The following SLCO2A1 variants were observed in gnomAD, a reference collection of about 807,000 sequenced individuals.
SLCO2A1 encodes the protein matrin F/G 1.
SLCO2A1 carries 60 observed loss-of-function variants against 71.7 expected under a neutral mutation model. The observed-to-expected ratio is 0.84, with a 90% CI of 0.68 to 1.04. The LOEUF (loss-of-function observed/expected upper bound fraction) is 1.04, where lower values mean the gene tolerates loss of function less well. SLCO2A1 is among the 50% of genes least tolerant of loss of function. The pLI is 0.00. For synonymous variants in SLCO2A1, 308 were observed against 326.7 expected, an observed-to-expected ratio of 0.94 and a Z score of 0.62; for missense variants, 745 against 813.4, an observed-to-expected ratio of 0.92 and a Z score of 1.02.
intron 11 of SLCO2A1, among the ~76,000 whole-genome samples, chr3:133,940,535 T>C (rs1933392704): frequency 6.6e-6 from 1 of 152,200 alleles, no homozygotes; most frequent in Non-Finnish European, 1.5e-5. Context: ...TTCTTCCTGC[T>C]GCATAGCGAC....
intron 3 of SLCO2A1, among the ~76,000 whole-genome samples, chr3:133,970,711 C>A (rs2048705988): frequency 6.6e-6 from 1 of 152,226 alleles, no homozygotes; most frequent in Admixed American, 6.5e-5. Flanking sequence ...GCATCTGCTT[C>A]TATCCCAGCC....
chr3:133,940,624 A>G (rs1559928401), intron 11 of SLCO2A1, among the ~76,000 whole-genome samples: 1 of 152,104 alleles, frequency 6.6e-6, no homozygotes, highest in Non-Finnish European at 1.5e-5. Flanking sequence ...TGGAGGGTCC[A>G]CTGTGGTCCA....
chr3:133,948,459 C>T lies in SLCO2A1; in HGVS notation c.1105+77G>A. 4.0e-6 allele frequency: 6 copies of T among 1,505,230 alleles called. No homozygotes were observed. The South Asian group carries it at 7.6e-5, about 19-fold the overall frequency. The allele number at this position is 1,505,230 out of a possible 1,614,324, so 93.2% of individuals were successfully genotyped here. On this transcript the variant is annotated intron_variant, in intron 8 of 13. Transcript: ENST00000310926. ...TATGTCCGGTCTGGCCTGCGCCCAT[C>T]CCTGGATGGGTGGCTGGAGTGCCTG...
intron 1 of SLCO2A1, among the ~76,000 whole-genome samples, chr3:133,987,245 AG>A (rs1262374848): frequency 2.7e-5 from 4 of 149,430 alleles, no homozygotes; most frequent in Non-Finnish European, 5.9e-5. Context: ...AGGTCTCGAC[AG>A]GAAGTGGGGG....
chr3:134,025,482 G>A (rs980569010), intron 1 of SLCO2A1, among the ~76,000 whole-genome samples: 6 of 152,034 alleles, frequency 3.9e-5, no homozygotes, highest in Admixed American at 1.3e-4. Flanking sequence ...GTGCCCAAAC[G>A]AGTCATCTTA....
intron 12 of SLCO2A1, among the ~76,000 whole-genome samples, chr3:133,936,256 G>A (rs1297294015): frequency 6.6e-6 from 1 of 152,136 alleles, no homozygotes; most frequent in Non-Finnish European, 1.5e-5. Flanking sequence ...CGACTTCTCA[G>A]GTCCTCACAC....
chr3:133,943,721 A>C (rs1436106938), intron 10 of SLCO2A1, among the ~76,000 whole-genome samples: 2 of 152,218 alleles, frequency 1.3e-5, no homozygotes, highest in Non-Finnish European at 2.9e-5. Flanking sequence ...TAAGTTAACA[A>C]AGATAAGAAA....
intron 11 of SLCO2A1, among the ~76,000 whole-genome samples, chr3:133,939,775 TG>T (rs1399288065): frequency 6.6e-6 from 1 of 152,132 alleles, no homozygotes; most frequent in Non-Finnish European, 1.5e-5. Flanking sequence ...CACCCCAATT[TG>T]GCTTTTGATT....
rs778301580 is a variant in SLCO2A1, at chr3:133,955,144, G to A, written c.447C>T (p.Asp149=). 1.2e-6 allele frequency: 2 copies of A among 1,614,098 alleles called. No homozygotes were observed. The highest frequency in any genetic ancestry group is 2.2e-5 in the South Asian group (2 of 91,064). The part of the protein sequence containing the change: ...QAELCQKHWQ[D]LPPSKCHSTT... Reference sequence around the variant, plus strand: ...TGCTGTGGCACTTACTGGGAGGCAGGTCCTGCCAATGCTTCTGGCAGAGCT... The same window carrying A: ...TGCTGTGGCACTTACTGGGAGGCAGATCCTGCCAATGCTTCTGGCAGAGCT... Residue 149 remains aspartate (D), a synonymous_variant, in exon 4 of 14, where the codon GAC becomes GAT. Coordinates refer to ENST00000310926, the MANE Select transcript of SLCO2A1 (RefSeq NM_005630.3).
At chr3:133,976,757 A>G (rs1184433905) in intron 2 of SLCO2A1, among the ~76,000 whole-genome samples, 1 of 152,006 alleles carries the variant, frequency 6.6e-6, no homozygotes, top group Admixed American at 6.5e-5. Context: ...CAACATCTCA[A>G]ACCAAAGGGC....
At chr3:133,971,639 G>GA (rs1934329480) in intron 3 of SLCO2A1, among the ~76,000 whole-genome samples, 2 of 152,164 alleles carry the variant, frequency 1.3e-5, no homozygotes, top group South Asian at 4.2e-4. Flanking sequence ...ATATCTGATT[G>GA]AAAAAATAGC....
rs1332168939 is a variant in SLCO2A1, at chr3:133,959,346, A to G, written c.398-4153T>C. ...AAGCAACCGTAATATTGCTTTATCA[A>G]ATCAAAACTACAATGAGATATCACT... On this transcript the variant is annotated intron_variant, in intron 3 of 13. Transcript: ENST00000310926. Among the ~76,000 whole-genome samples the G allele has an allele frequency of 4.6e-5, 7 of 151,872 alleles. No individual in the cohort carries two copies. In the East Asian group the frequency reaches 5.8e-4, roughly 13 times the overall value.
chr3:133,956,053 A>G (rs1933891345), intron 3 of SLCO2A1, among the ~76,000 whole-genome samples: 1 of 152,120 alleles, frequency 6.6e-6, no homozygotes, highest in African/African-American at 2.4e-5. Flanking sequence ...CAGCATTGGC[A>G]GCTCTCCAAG....
At chr3:133,994,894 G>C (rs906263167) in intron 1 of SLCO2A1, among the ~76,000 whole-genome samples, 1 of 152,126 alleles carries the variant, frequency 6.6e-6, no homozygotes, top group Non-Finnish European at 1.5e-5. Flanking sequence ...CCAGGTCCCA[G>C]TCAGCTCTCA....
chr3:133,976,900 T>C (rs1329124995), intron 2 of SLCO2A1, among the ~76,000 whole-genome samples: 1 of 152,192 alleles, frequency 6.6e-6, no homozygotes, highest in Admixed American at 6.5e-5. Context: ...ACTAAGTTCC[T>C]CCTGCTGGTG....
intron 1 of SLCO2A1, among the ~76,000 whole-genome samples, chr3:134,018,443 A>C (rs1451257119): frequency 2.0e-5 from 3 of 152,204 alleles, no homozygotes; most frequent in Admixed American, 6.5e-5. Flanking sequence ...GCCAAGACAA[A>C]GTAATTCTCC....
At chr3:133,960,121 AAAATAAATAAAT>A (rs59630146) in intron 3 of SLCO2A1, among the ~76,000 whole-genome samples, 16,958 of 149,136 alleles carry the variant, frequency 0.11, 1,312 homozygotes, top group Non-Finnish European at 0.17. Flanking sequence ...CTCCGTCTCA[AAAATAAATAAAT>A]AAATAAATAA....
chr3:134,029,718 C>T lies in SLCO2A1; in HGVS notation c.85G>A (p.Gly29Ser). The T allele has an allele frequency of 1.3e-6, 2 of 1,589,030 alleles. No individual in the cohort carries two copies. Among genetic ancestry groups the T allele is most frequent in the East Asian group, 2.3e-5 (1 of 42,820 alleles). ...CGGACTCCGCTCACCTTAATGTTGCCGAAGACCGAGCGGGCACAGCGGCCG... is the reference window on the plus strand; with the variant it reads ...CGGACTCCGCTCACCTTAATGTTGCTGAAGACCGAGCGGGCACAGCGGCCG... ...RAGRCARSVF[G>S]NIKVFVLCQG... The change falls in exon 1 of 14, where the codon GGC (glycine) becomes AGC (serine). Residue 29 changes from glycine (G) to serine (S), a missense_variant. Transcript: ENST00000310926.
chr3:134,007,359 G>A (rs1935243065), intron 1 of SLCO2A1, among the ~76,000 whole-genome samples: 2 of 152,128 alleles, frequency 1.3e-5, no homozygotes, highest in African/African-American at 4.8e-5. Flanking sequence ...TTTGTTGCCT[G>A]TACTTTCAGT....
Sources: gnomAD v4.1 joint callset for allele counts (sites outside exome capture counted in the v4.1 genomes callset) on GRCh38, gnomAD v4.1.1 for gene constraint, MANE v1.5 for transcripts, NCBI Gene and HGNC (gene_info 2026-07-23, HGNC 2026-07-21) for gene names.